The following CYLD variants were observed in gnomAD, a reference collection of about 807,000 sequenced individuals.
CYLD encodes ubiquitin carboxyl-terminal hydrolase CYLD.
CYLD carries 26 observed loss-of-function variants against 104.5 expected under a neutral mutation model. That is an observed-to-expected ratio of 0.25 (90% CI 0.18 to 0.35). The LOEUF is 0.35. Ranked by LOEUF, CYLD falls within the 10% of genes least tolerant of loss-of-function variation. The pLI, the probability that CYLD is intolerant of heterozygous loss-of-function variation, is 1.00. For missense variants in CYLD, 703 were observed against 1,136.1 expected, an observed-to-expected ratio of 0.62 and a Z score of 5.48; for synonymous variants, 385 against 399.9, an observed-to-expected ratio of 0.96 and a Z score of 0.45.
chr16:50,773,153 C>T (rs905311004), intron 5 of CYLD, among the ~76,000 whole-genome samples: 19 of 152,120 alleles, frequency 1.2e-4, no homozygotes, highest in South Asian at 2.1e-4. Context: ...TGATGTTAAG[C>T]GGTACATTAA....
chr16:50,759,221 G>A (rs1045923141), intron 5 of CYLD, among the ~76,000 whole-genome samples: 1 of 152,186 alleles, frequency 6.6e-6, no homozygotes, highest in African/African-American at 2.4e-5. Flanking sequence ...CAACCTGGGT[G>A]ACAGAGCGAG....
intron 10 of CYLD, 105 bp from the exon 11 acceptor site, chr16:50,782,220 C>T: frequency 1.0e-6 from 1 of 997,078 alleles, no homozygotes; most frequent in Non-Finnish European, 1.4e-6. Context: ...AATTTTGCAT[C>T]AAAATACAAA....
intron 5 of CYLD, among the ~76,000 whole-genome samples, chr16:50,763,641 T>C (rs957693582): frequency 5.6e-4 from 86 of 152,344 alleles, no homozygotes; most frequent in African/African-American, 1.9e-3. Flanking sequence ...AAATATCTTA[T>C]TCACAATCCA....
At chr16:50,757,734 C>T (rs1967425203) in intron 5 of CYLD, among the ~76,000 whole-genome samples, 1 of 152,038 alleles carries the variant, frequency 6.6e-6, no homozygotes, top group African/African-American at 2.4e-5. Context: ...GATGGGGTTT[C>T]ATCGTGTTAG....
chr16:50,786,059 A>G (rs1970783248), intron 12 of CYLD: 1 of 152,238 alleles, frequency 6.6e-6, no homozygotes, highest in South Asian at 2.1e-4. Context: ...AAACTGATTG[A>G]ATGTGTCTTG....
Position 50,797,689 on chromosome 16 carries a change from CATT to C in CYLD, c.*1182_*1184del, listed in dbSNP as rs1415845511. 8.6e-6 allele frequency: 2 copies of C among 232,780 alleles called. No homozygotes were observed. Among genetic ancestry groups the C allele is most frequent in the Non-Finnish European group, 1.7e-5 (2 of 117,790 alleles). 14.4% of individuals were successfully genotyped at this position (232,780 alleles called of 1,614,324 possible). A position where few individuals can be genotyped will look rare whatever the true frequency, so the allele number is the denominator to read the frequency against. On this transcript the variant is annotated 3_prime_UTR_variant, in exon 19 of 19. Coordinates refer to ENST00000427738, the MANE Select transcript of CYLD (RefSeq NM_001378743.1). ...TTCTCTGAGTGTTGTTTTGTGGTAT[CATT>C]GTCTTTCCTGAATGACTTTCTAACT...
At chr16:50,776,414 T>C in intron 7 of CYLD, 137 bp downstream of exon 7, 6 of 713,004 alleles carry the variant, frequency 8.4e-6, no homozygotes, top group Non-Finnish European at 1.5e-5. Context: ...GTAGTGAAAC[T>C]AAAGTTTGTA....
intron 13 of CYLD, 111 bp from the exon 14 acceptor site, chr16:50,787,675 A>T (rs1250401827): frequency 3.2e-6 from 2 of 629,374 alleles, no homozygotes; most frequent in Non-Finnish European, 5.7e-6. Context: ...TTGAAATAAT[A>T]TTGGATGAAT....
At chr16:50,753,857 G>A (rs756466099) in intron 4 of CYLD, among the ~76,000 whole-genome samples, 1 of 152,154 alleles carries the variant, frequency 6.6e-6, no homozygotes, top group Non-Finnish European at 1.5e-5. Context: ...TGTACAGAAA[G>A]GCATACAGAA....
At chr16:50,779,535 C>G in intron 8 of CYLD, 130 bp from the exon 9 acceptor site, 1 of 793,484 alleles carries the variant, frequency 1.3e-6, no homozygotes, top group Non-Finnish European at 2.1e-6. Context: ...TTTGTGATGC[C>G]TATGAGAGTA....
chr16:50,755,270 G>T (rs558145379), intron 5 of CYLD, among the ~76,000 whole-genome samples: 2 of 150,648 alleles, frequency 1.3e-5, no homozygotes, highest in South Asian at 4.2e-4. Context: ...TTTCTTTATC[G>T]ACTTGTTCAT....
At chr16:50,748,980 T>C (rs941500754) in intron 2 of CYLD, among the ~76,000 whole-genome samples, 1 of 152,180 alleles carries the variant, frequency 6.6e-6, no homozygotes, top group South Asian at 2.1e-4. Context: ...GACAGGAGGA[T>C]TGTTTGAGCC....
At chr16:50,781,471 T>C in intron 10 of CYLD, 60 bp downstream of exon 10, 4 of 1,570,806 alleles carry the variant, frequency 2.5e-6, no homozygotes, top group Non-Finnish European at 2.6e-6. Context: ...TAATCTCATA[T>C]CATGTTATAT....
chr16:50,794,019 C>G lies in CYLD; in HGVS notation c.2470-193C>G, dbSNP rs146287214. Reference sequence around the variant, plus strand: ...CTCGGCCCACTGCAACCTCCGCCTCCGGGATTTAAATGATTCTCCTGCCTC... The same window carrying G: ...CTCGGCCCACTGCAACCTCCGCCTCGGGGATTTAAATGATTCTCCTGCCTC... On this transcript the variant is annotated intron_variant, in intron 17 of 18. Coordinates refer to ENST00000427738, the MANE Select transcript of CYLD (RefSeq NM_001378743.1). This position sits in a 1 kb window ranked among gnomAD's most constrained non-coding sequence, Gnocchi z 4.1. Among the ~76,000 whole-genome samples, 1 of 151,708 alleles carries G rather than the reference C, an allele frequency of 6.6e-6. No homozygotes were observed. The highest frequency in any genetic ancestry group is 1.5e-5 in the Non-Finnish European group (1 of 67,916).
At chr16:50,764,450 C>T (rs1968275168) in intron 5 of CYLD, among the ~76,000 whole-genome samples, 1 of 152,124 alleles carries the variant, frequency 6.6e-6, no homozygotes, top group Non-Finnish European at 1.5e-5. Context: ...ATAAAAGCCT[C>T]TTAATTTTCT....
chr16:50,785,551 A>G (rs1310432671), intron 12 of CYLD: 1 of 152,180 alleles, frequency 6.6e-6, no homozygotes, highest in Admixed American at 6.5e-5. Flanking sequence ...CCCCCAAGTA[A>G]TTGATACTGG....
intron 5 of CYLD, among the ~76,000 whole-genome samples, chr16:50,765,587 CT>C (rs936167587): frequency 2.6e-5 from 4 of 152,086 alleles, no homozygotes; most frequent in African/African-American, 9.7e-5. Context: ...AATGATTAAG[CT>C]TAGTGAGGAA....
At chr16:50,752,700 A>G (rs1361467053) in intron 4 of CYLD, among the ~76,000 whole-genome samples, 1 of 152,052 alleles carries the variant, frequency 6.6e-6, no homozygotes, top group Non-Finnish European at 1.5e-5. Flanking sequence ...GCTAACCACA[A>G]TTTCTTCTGA....
rs568804380 is a variant in CYLD at position 50,754,357 on chromosome 16, A to T, written c.846A>T (p.Gly282=). 4 of 1,613,578 alleles carry T rather than the reference A, an allele frequency of 2.5e-6. No individual in the cohort carries two copies. In the South Asian group the frequency reaches 3.3e-5, roughly 13 times the overall value. Reference sequence around the variant, plus strand: ...GCAACTGGGATGGAAGATTTGATGGAGTGCAGCTTTGTAGTTTTGCGTGTG... The same window carrying T: ...GCAACTGGGATGGAAGATTTGATGGTGTGCAGCTTTGTAGTTTTGCGTGTG... ...PIGNWDGRFD[G]VQLCSFACVE... is the part of the protein sequence containing the mutation. Residue 282 remains glycine, a synonymous_variant, in exon 5 of 19, where the codon GGA becomes GGT. Transcript: ENST00000427738.
Sources: gnomAD v4.1 joint callset for allele counts (sites outside exome capture counted in the v4.1 genomes callset) on GRCh38, gnomAD v4.1.1 for gene constraint, Gnocchi (gnomAD v3.1) non-coding constraint, MANE v1.5 for transcripts, NCBI Gene and HGNC (gene_info 2026-07-23, HGNC 2026-07-21) for gene names.